Variants in CCDC13 observed in about 807,000 individuals in gnomAD.
The protein encoded by CCDC13 is coiled-coil domain containing 13.
A neutral mutation model predicts 87.3 loss-of-function variants in CCDC13; 70 were observed. That is an observed-to-expected ratio of 0.80 (90% CI 0.66 to 0.98). The LOEUF (loss-of-function observed/expected upper bound fraction) is 0.98, where lower values mean the gene tolerates loss of function less well. Among genes scored for constraint, CCDC13 ranks in the 50% least tolerant of loss-of-function variants. CCDC13 has a pLI of 0.00. For missense variants in CCDC13, 842 were observed against 892.0 expected (o/e 0.94, Z 0.71); for synonymous variants, 317 against 360.3 (o/e 0.88, Z 1.36).
In CCDC13 at chr3:42,751,847, G is replaced by C. The variant is rs565191105; in HGVS notation, c.603+89C>G. On this transcript the variant is annotated intron_variant, in intron 5 of 15. Transcript: ENST00000310232. ...GGGTTGGGGGTTGGGGGTGGACCTCGGGTAGAGGTACCTACACACCTGTGG... is the reference window on the plus strand; with the variant it reads ...GGGTTGGGGGTTGGGGGTGGACCTCCGGTAGAGGTACCTACACACCTGTGG... 757 of 1,206,982 alleles carry C rather than the reference G, an allele frequency of 6.3e-4. 16 individuals carry two copies. In the South Asian group the frequency reaches 8.4e-3, roughly 13 times the overall value. 74.8% of individuals were successfully genotyped at this position (1,206,982 alleles called of 1,614,324 possible).
chr3:42,738,920 G>A (rs954952605), intron 9 of CCDC13, among the ~76,000 whole-genome samples: 3 of 152,042 alleles, frequency 2.0e-5, no homozygotes, highest in African/African-American at 4.8e-5. Flanking sequence ...TTGCCTGATC[G>A]CCCTGGCCAG....
rs561450925 is a variant in CCDC13 at position 42,758,230 on chromosome 3, C to A, written c.116G>T (p.Ser39Ile). The change falls in exon 2 of 16, where the codon AGC becomes ATC. Residue 39 changes from serine (S) to isoleucine (I), a missense_variant. Physicochemically the swap from Ser to Ile is moderately radical, Grantham distance 142 (BLOSUM62 -2). Transcript: ENST00000310232. ...TTGGTCGTCAGCTCTGCTTTTGAGG[C>A]TCAGTTCTTTTTCCCTCTTTTTCTC... ...QMEKKREKEL[S>I]LKSRADDQEE... 1 of 1,614,038 alleles carries A rather than the reference C, an allele frequency of 6.2e-7. No individual in the cohort carries two copies. The highest frequency in any genetic ancestry group is 2.2e-5 in the East Asian group (1 of 44,888).
Position 42,706,809 on chromosome 3 carries a change from A to G in CCDC13, c.*2171T>C, listed in dbSNP as rs895441134. ...GTCTTTGGGTTATTCTTTGACATAC[A>G]TATTAATAACAGCCCCCTGAGGGAG... On this transcript the variant is annotated 3_prime_UTR_variant, in exon 16 of 16. Transcript: ENST00000310232. The G allele has an allele frequency of 1.3e-5, 2 of 152,218 alleles. No homozygotes were observed. The highest frequency in any genetic ancestry group is 4.8e-5 in the African/African-American group (2 of 41,450). The allele number at this position is 152,218 out of a possible 1,614,324, so 9.4% of individuals were successfully genotyped here.
In CCDC13 at chr3:42,757,174, T is replaced by C; in HGVS notation, c.262A>G (p.Arg88Gly). The C allele has an allele frequency of 6.2e-7, 1 of 1,614,174 alleles. No individual in the cohort carries two copies. Among genetic ancestry groups the C allele is most frequent in the Non-Finnish European group, 8.5e-7 (1 of 1,180,014 alleles). ...CGCCCGTTCTCGTCCACCGTTTCCCTGAGCTCATTTCGAAGGTGTTCAATC... is the reference window on the plus strand; with the variant it reads ...CGCCCGTTCTCGTCCACCGTTTCCCCGAGCTCATTTCGAAGGTGTTCAATC... Reference protein sequence around the residue: ...DEIEHLRNELRETVDENGRLY... With the variant: ...DEIEHLRNELGETVDENGRLY... Residue 88 changes from arginine (R) to glycine (G), a missense_variant, in exon 3 of 16, where the codon AGG becomes GGG. Coordinates refer to ENST00000310232, the MANE Select transcript of CCDC13 (RefSeq NM_144719.4).
rs745634076 is a variant in CCDC13, at chr3:42,743,076, G to C, written c.826-19C>G. 6.2e-7 allele frequency: 1 copy of C among 1,613,166 alleles called. No individual in the cohort carries two copies. Among genetic ancestry groups the C allele is most frequent in the Non-Finnish European group, 8.5e-7 (1 of 1,179,542 alleles). On this transcript the variant is annotated intron_variant, in intron 7 of 15. Coordinates refer to ENST00000310232, the MANE Select transcript of CCDC13 (RefSeq NM_144719.4). ...CTTGAACCTGAGGATGGTAAAACTCGTCGTTCCACAATGGGTCTTCTGCCA... is the reference window on the plus strand; with the variant it reads ...CTTGAACCTGAGGATGGTAAAACTCCTCGTTCCACAATGGGTCTTCTGCCA...
At chr3:42,746,834 T>C (rs1444800633) in intron 6 of CCDC13, 1 of 275,472 alleles carries the variant, frequency 3.6e-6, no homozygotes, top group African/African-American at 2.2e-5. Flanking sequence ...ACCTATTCAT[T>C]TTCTGTTACA....
chr3:42,751,321 G>C (rs1699573801), intron 5 of CCDC13, among the ~76,000 whole-genome samples: 1 of 152,224 alleles, frequency 6.6e-6, no homozygotes, highest in African/African-American at 2.4e-5. Context: ...AGGTCAGACT[G>C]ACTTCCTTTC....
At chr3:42,720,595 T>A (rs984387484) in intron 13 of CCDC13, among the ~76,000 whole-genome samples, 5 of 152,194 alleles carry the variant, frequency 3.3e-5, no homozygotes, top group African/African-American at 9.7e-5. Context: ...GAAAGTGAAA[T>A]GTGTTTTTGG....
chr3:42,750,853 A>C (rs1456989339), intron 5 of CCDC13, among the ~76,000 whole-genome samples: 5 of 152,196 alleles, frequency 3.3e-5, no homozygotes, highest in Non-Finnish European at 7.3e-5. Flanking sequence ...GGGCAGCCCT[A>C]GTTCGGAATG....
chr3:42,733,471 G>C lies in CCDC13; in HGVS notation c.1510C>G (p.Arg504Gly). ...GDHVGRLGSS[R>G]SVTSLGHTLV... Reference sequence around the variant, plus strand: ...CCCTCCCTCCCATTGTTTTCTTACCGAGAAGATCCAAGCCTGCCAACATGA... The same window carrying C: ...CCCTCCCTCCCATTGTTTTCTTACCCAGAAGATCCAAGCCTGCCAACATGA... The change falls in exon 11 of 16, where the codon CGC (arginine) becomes GGC (glycine). Residue 504 changes from arginine (R) to glycine (G), a missense_variant and splice_region_variant. Coordinates refer to ENST00000310232, the MANE Select transcript of CCDC13 (RefSeq NM_144719.4). 1 of 1,614,052 alleles carries C rather than the reference G, an allele frequency of 6.2e-7. No individual in the cohort carries two copies. Among genetic ancestry groups the C allele is most frequent in the Non-Finnish European group, 8.5e-7 (1 of 1,179,996 alleles).
At position 42,706,692 on chromosome 3, in the gene CCDC13, T is replaced by A. The variant is rs1398154916; in HGVS notation, c.*2288A>T. 6.6e-6 allele frequency: 1 copy of A among 152,248 alleles called. No individual in the cohort carries two copies. 9.4% of individuals were successfully genotyped at this position (152,248 alleles called of 1,614,324 possible). ...TGCCTGCCTGTCTGCAGTTTTTCTT[T>A]CCCCTCTCTCTTATATAACTCTTGT... On this transcript the variant is annotated 3_prime_UTR_variant, in exon 16 of 16. Coordinates refer to ENST00000310232, the MANE Select transcript of CCDC13 (RefSeq NM_144719.4).
At chr3:42,760,931 T>C (rs1477870251) in intron 1 of CCDC13, among the ~76,000 whole-genome samples, 1 of 152,144 alleles carries the variant, frequency 6.6e-6, no homozygotes, top group Non-Finnish European at 1.5e-5. Context: ...CTATTCACAT[T>C]TTTTGCCCAT....
intron 1 of CCDC13, among the ~76,000 whole-genome samples, chr3:42,761,812 C>T (rs937772353): frequency 6.6e-6 from 1 of 152,152 alleles, no homozygotes; most frequent in Non-Finnish European, 1.5e-5. Context: ...TGTTGACTTG[C>T]TCCTCTGTTC....
chr3:42,730,630 G>A (rs969682374), intron 12 of CCDC13, 41 bp from the exon 13 acceptor site: 1 of 1,605,640 alleles, frequency 6.2e-7, no homozygotes, highest in Non-Finnish European at 8.5e-7. Flanking sequence ...GGTCATCCGA[G>A]GCCTAGAAAT....
rs1177974093 is a variant in CCDC13 at position 42,773,243 on chromosome 3, C to A, written c.-74G>T. On this transcript the variant is annotated 5_prime_UTR_variant, in exon 1 of 16. Transcript: ENST00000310232. Reference sequence around the variant, plus strand: ...AGGTCACCTCCTCCGGACGCCGACACGCGCTGCCCTGGCAACCGTCACCAG... The same window carrying A: ...AGGTCACCTCCTCCGGACGCCGACAAGCGCTGCCCTGGCAACCGTCACCAG... 4 of 152,234 alleles carry A rather than the reference C, an allele frequency of 2.6e-5. No individual in the cohort carries two copies. Among genetic ancestry groups the A allele is most frequent in the Admixed American group, 2.6e-4 (4 of 15,284 alleles). The allele number at this position is 152,234 out of a possible 1,614,324, so 9.4% of individuals were successfully genotyped here.
intron 13 of CCDC13, among the ~76,000 whole-genome samples, chr3:42,722,498 A>G (rs1036210467): frequency 1.3e-5 from 2 of 152,204 alleles, no homozygotes; most frequent in African/African-American, 4.8e-5. Flanking sequence ...ACAGGTCATA[A>G]AGACCCTGCT....
intron 7 of CCDC13, among the ~76,000 whole-genome samples, chr3:42,744,737 G>A (rs1172224597): frequency 2.0e-5 from 3 of 150,168 alleles, no homozygotes; most frequent in Non-Finnish European, 4.4e-5. Flanking sequence ...CCCGGGAGGC[G>A]GAGCTTGCAG....
intron 9 of CCDC13, among the ~76,000 whole-genome samples, chr3:42,738,991 T>A (rs1191883922): frequency 6.6e-6 from 1 of 152,244 alleles, no homozygotes; most frequent in East Asian, 1.9e-4. Context: ...CTGTGCTGGT[T>A]TTCAAAGGGA....
rs1426383290 is a variant in CCDC13 at position 42,707,955 on chromosome 3, T to C, written c.*1025A>G. Among the ~76,000 whole-genome samples the C allele has an allele frequency of 2.0e-5, 3 of 152,166 alleles. No homozygotes were observed. Among genetic ancestry groups the C allele is most frequent in the African/African-American group, 7.2e-5 (3 of 41,458 alleles). ...TGAGAAAGGGCAACACTGACAGTCA[T>C]AGAGGCCTGCGGATCTTAGGGTGCC... On this transcript the variant is annotated 3_prime_UTR_variant, in exon 16 of 16. Coordinates refer to ENST00000310232, the MANE Select transcript of CCDC13 (RefSeq NM_144719.4).
Sources: gnomAD v4.1 joint callset for allele counts (sites outside exome capture counted in the v4.1 genomes callset) on GRCh38, gnomAD v4.1.1 for gene constraint, MANE v1.5 for transcripts, NCBI Gene and HGNC (gene_info 2026-07-23, HGNC 2026-07-21) for gene names.